ALG13: variants seen among roughly 807,000 people sequenced by gnomAD.
ALG13 encodes the protein UDP-N-acetylglucosamine transferase subunit ALG13.
A neutral mutation model predicts 87.8 loss-of-function variants in ALG13; 11 were observed. That is an observed-to-expected ratio of 0.13 (90% CI 0.08 to 0.21). ALG13 has a LOEUF of 0.21. Among genes scored for constraint, ALG13 ranks in the 10% least tolerant of loss-of-function variants. The pLI is 1.00. For missense variants in ALG13, 756 were observed against 866.1 expected (o/e 0.87, Z 1.60); for synonymous variants, 320 against 306.3 (o/e 1.04, Z -0.47).
chrX:111,751,885 C>A (rs1264290872), intron 24 of ALG13, among the ~76,000 whole-genome samples: 1 of 110,521 alleles, frequency 9.0e-6, no homozygotes, highest in African/African-American at 3.3e-5. Flanking sequence ...ATTTAGAGGT[C>A]CAATTGGAAT....
chrX:111,713,724 T>A lies in ALG13; in HGVS notation c.1005+427T>A, dbSNP rs181363561. The stretch of plus-strand genomic sequence containing the variant: ...CTGGAGTCATTTTCTCACTTTGTGC[T>A]CCCTTAGCAGCTCCCAAGTAATTGT... On this transcript the variant is annotated intron_variant, in intron 8 of 26. Coordinates refer to ENST00000394780, the MANE Select transcript of ALG13 (RefSeq NM_001099922.3). 3.6e-5 allele frequency among the ~76,000 whole-genome samples: 4 copies of A among 112,101 alleles called. No homozygotes were observed. The Admixed American group carries it at 3.8e-4, about 11-fold the overall frequency.
chrX:111,734,813 A>G (rs1356509827), intron 21 of ALG13, among the ~76,000 whole-genome samples: 1 of 111,283 alleles, frequency 9.0e-6, no homozygotes, highest in East Asian at 2.8e-4. Flanking sequence ...TATCAGTTAC[A>G]TTTTAGTATC....
At chrX:111,728,917 A>C (rs772811371) in intron 19 of ALG13, among the ~76,000 whole-genome samples, 63 of 111,970 alleles carry the variant, frequency 5.6e-4, no homozygotes, top group African/African-American at 1.9e-3. Flanking sequence ...GGTAAATGGC[A>C]GAGATATAAT....
chrX:111,695,939 C>T (rs1340071670), intron 3 of ALG13, among the ~76,000 whole-genome samples: 1 of 111,253 alleles, frequency 9.0e-6, no homozygotes, highest in Non-Finnish European at 1.9e-5. Context: ...ATTATATTTT[C>T]AGTAATGAAA....
At chrX:111,712,197 A>G (rs189722776) in intron 6 of ALG13, among the ~76,000 whole-genome samples, 227 of 111,973 alleles carry the variant, frequency 2.0e-3, no homozygotes, top group Middle Eastern at 4.6e-3. Flanking sequence ...CTAAATCCCT[A>G]CTGCCTTTTT....
At chrX:111,748,700 A>G (rs1944456088) in intron 24 of ALG13, among the ~76,000 whole-genome samples, 1 of 110,548 alleles carries the variant, frequency 9.0e-6, no homozygotes, top group Admixed American at 9.7e-5. Flanking sequence ...TGGCTTATCT[A>G]TTTTCTTCAT....
chrX:111,709,101 A>G, intron 5 of ALG13, 53 bp downstream of exon 5: 1 of 774,510 alleles, frequency 1.3e-6, no homozygotes, highest in South Asian at 2.7e-5. Context: ...AGCAGGTGGA[A>G]AAATAATTGT....
rs1478132547 is a variant in ALG13, at chrX:111,728,288, A to G, written c.2351A>G (p.Asn784Ser). 3 of 1,209,927 alleles carry G rather than the reference A, an allele frequency of 2.5e-6. No homozygotes were observed. Among genetic ancestry groups the G allele is most frequent in the Non-Finnish European group, 3.4e-6 (3 of 895,100 alleles). The change falls in exon 19 of 27, where the codon AAT becomes AGT. Residue 784 changes from asparagine (N) to serine (S), a missense_variant. Coordinates refer to ENST00000394780, the MANE Select transcript of ALG13 (RefSeq NM_001099922.3). ...GKQTLNLEEG[N>S]GQSENGRYHE... ...CAGACTTTGAATTTAGAGGAGGGCA[A>G]TGGCCAGAGTGAAAATGGTGAGTCA...
At chrX:111,719,025 C>CTTTTT (rs1174274292) in intron 10 of ALG13, among the ~76,000 whole-genome samples, 7 of 82,413 alleles carry the variant, frequency 8.5e-5, no homozygotes, top group Admixed American at 1.2e-4. Context: ...AATTTTTTTT[C>CTTTTT]TTTTTTTTTT....
intron 3 of ALG13, chrX:111,688,028 C>T (rs1475111094): frequency 6.4e-6 from 7 of 1,097,793 alleles, no homozygotes; most frequent in Non-Finnish European, 8.4e-6. Context: ...ACTTTAAAAG[C>T]AACCCCCAAA....
chrX:111,744,768 ACCTCCTCCTCCTCCT>A lies in ALG13; in HGVS notation c.2821_2835del (p.Pro941_Pro945del), dbSNP rs56717389. The stretch of plus-strand genomic sequence containing the variant: ...CACCACCACCACCACCACCACCACC[ACCTCCTCCTCCTCCT>A]CCTCCTCCTCCTCCTCCTCCTCCTG... On this transcript the variant is annotated inframe_deletion, in exon 24 of 27. Coordinates refer to ENST00000394780, the MANE Select transcript of ALG13 (RefSeq NM_001099922.3). The A allele has an allele frequency of 1.8e-4, 105 of 594,505 alleles. No homozygotes were observed. The highest frequency in any genetic ancestry group is 2.9e-4 in the African/African-American group (7 of 24,398). 49.0% of individuals were successfully genotyped at this position (594,505 alleles called of 1,213,427 possible). A position where few individuals can be genotyped will look rare whatever the true frequency, so the allele number is the denominator to read the frequency against.
At chrX:111,757,363 G>T (rs754820098) in intron 25 of ALG13, 4 of 309,229 alleles carry the variant, frequency 1.3e-5, no homozygotes, top group Non-Finnish European at 2.2e-5. Context: ...TTTCCTAAAA[G>T]AATTCTTAGG....
At chrX:111,688,271 A>T (rs1935463022) in intron 3 of ALG13, 2 of 754,672 alleles carry the variant, frequency 2.7e-6, no homozygotes, top group African/African-American at 4.6e-5. Context: ...GTGGAATTGG[A>T]ATCATAAAAA....
chrX:111,707,234 TAC>T (rs1938937403), intron 3 of ALG13, among the ~76,000 whole-genome samples: 1 of 112,499 alleles, frequency 8.9e-6, no homozygotes, highest in Non-Finnish European at 1.9e-5. Flanking sequence ...TCTCATACTC[TAC>T]CATACCATTT....
intron 23 of ALG13, among the ~76,000 whole-genome samples, chrX:111,742,690 C>G (rs1943865118): frequency 8.9e-6 from 1 of 111,842 alleles, no homozygotes; most frequent in African/African-American, 3.2e-5. Flanking sequence ...GTTTTGGTAG[C>G]CCCTTAAATT....
chrX:111,721,770 C>CA, intron 12 of ALG13, 59 bp downstream of exon 12: 2 of 732,511 alleles, frequency 2.7e-6, no homozygotes, highest in Non-Finnish European at 4.1e-6. Flanking sequence ...TATAATTTTG[C>CA]AAATTATGGT....
At chrX:111,684,318 C>CT (rs1255719943) in intron 2 of ALG13, among the ~76,000 whole-genome samples, 27 of 105,451 alleles carry the variant, frequency 2.6e-4, no homozygotes, top group African/African-American at 8.3e-4. Flanking sequence ...TTTTCAACTG[C>CT]TTTTTTTTTT....
At chrX:111,755,434 T>G (rs1945149728) in intron 25 of ALG13, among the ~76,000 whole-genome samples, 1 of 111,704 alleles carries the variant, frequency 9.0e-6, no homozygotes, top group Non-Finnish European at 1.9e-5. Flanking sequence ...AATTGACAAG[T>G]GGGATCTAAT....
chrX:111,752,730 A>G (rs1944871727), intron 24 of ALG13, 60 bp from the exon 25 acceptor site: 3 of 907,719 alleles, frequency 3.3e-6, no homozygotes, highest in Non-Finnish European at 4.7e-6. Context: ...AAGCTTTTAA[A>G]AGATAATTCT....
Sources: allele counts gnomAD v4.1 joint callset (sites outside exome capture counted in the v4.1 genomes callset), GRCh38; gene constraint gnomAD v4.1.1; transcripts MANE v1.5; gene names NCBI Gene and HGNC (gene_info 2026-07-23, HGNC 2026-07-21).